BRAT1: variants seen among roughly 807,000 people sequenced by gnomAD.
BRAT1 encodes the protein integrator complex assembly factor BRAT1.
A neutral mutation model predicts 70.6 loss-of-function variants in BRAT1; 74 were observed. That is an observed-to-expected ratio of 1.05 (90% confidence interval 0.87 to 1.27). The LOEUF is 1.27. BRAT1 is among the 50% of genes most tolerant of loss of function. The pLI, the probability that BRAT1 is intolerant of heterozygous loss-of-function variation, is 0.00. For synonymous variants in BRAT1, 615 were observed against 517.1 expected (o/e 1.19, Z -2.57); for missense variants, 1,203 against 1,098.2 (o/e 1.10, Z -1.35).
At position 2,552,106 on chromosome 7, in the gene BRAT1, A is replaced by AT. The variant is rs1174942520; in HGVS notation, c.127+2198dup. ...AATATATATATATATATATATATAT[A>AT]TTTTTTTTTTTTTTTTTTTTTTTTT... On this transcript the variant is annotated intron_variant, in intron 2 of 13. Transcript: ENST00000340611. Among the ~76,000 whole-genome samples, 65 of 14,220 alleles carry AT rather than the reference A, an allele frequency of 4.6e-3. 4 individuals carry two copies. Among genetic ancestry groups the AT allele is most frequent in the Non-Finnish European group, 6.0e-3 (44 of 7,348 alleles). The allele number at this position is 14,220 out of a possible 152,430, so 9.3% of individuals were successfully genotyped here. A position where few individuals can be genotyped will look rare whatever the true frequency, so the allele number is the denominator to read the frequency against.
chr7:2,554,044 G>A (rs556466370), intron 2 of BRAT1, among the ~76,000 whole-genome samples: 1 of 152,166 alleles, frequency 6.6e-6, no homozygotes, highest in Non-Finnish European at 1.5e-5. Flanking sequence ...GCCTTCTGTA[G>A]AACTGAACCT....
chr7:2,552,267 A>T (rs552312012), intron 2 of BRAT1, among the ~76,000 whole-genome samples: 26 of 150,206 alleles, frequency 1.7e-4, no homozygotes, highest in African/African-American at 6.1e-4. Flanking sequence ...ACAGGCATGG[A>T]CCACCATGTC....
chr7:2,554,292 A>G lies in BRAT1; in HGVS notation c.127+13T>C. ...CTCTGGATAGGCAGTAAACAGCAGC[A>G]CCACCTCCTTACCTCCTTCAGTGAC... On this transcript the variant is annotated intron_variant, in intron 2 of 13. Coordinates refer to ENST00000340611, the MANE Select transcript of BRAT1 (RefSeq NM_152743.4). The G allele has an allele frequency of 6.2e-7, 1 of 1,612,782 alleles. No homozygotes were observed. The highest frequency in any genetic ancestry group is 8.5e-7 in the Non-Finnish European group (1 of 1,179,172).
intron 1 of BRAT1, among the ~76,000 whole-genome samples, chr7:2,554,965 CT>C (rs1039914480): frequency 2.7e-5 from 4 of 149,812 alleles, no homozygotes; most frequent in African/African-American, 9.9e-5. Context: ...GTCCGTGTGT[CT>C]GTCCCTCTCA....
chr7:2,539,520 G>C (rs533358915), intron 12 of BRAT1, 24 bp downstream of exon 12: 5 of 1,535,624 alleles, frequency 3.3e-6, no homozygotes, highest in Admixed American at 2.0e-5. Context: ...GGGGAAGGCA[G>C]CCCCTCCACC....
Position 2,543,052 on chromosome 7 carries a change from G to T in BRAT1, c.923+152C>A. On this transcript the variant is annotated intron_variant, in intron 6 of 13. Coordinates refer to ENST00000340611, the MANE Select transcript of BRAT1 (RefSeq NM_152743.4). This position sits in a 1 kb window ranked among gnomAD's most constrained non-coding sequence, Gnocchi z 5.5. ...AAAGAACCTTCAGAAGCTGCCGCGC[G>T]CAACCCACGCACCACCCAGTCACAC... is the stretch of plus-strand genomic sequence containing the variant. 1 of 928,794 alleles carries T rather than the reference G, an allele frequency of 1.1e-6. No individual in the cohort carries two copies. Among genetic ancestry groups the T allele is most frequent in the Non-Finnish European group, 1.6e-6 (1 of 638,556 alleles). The allele number at this position is 928,794 out of a possible 1,614,324, so 57.5% of individuals were successfully genotyped here.
chr7:2,540,571 C>A, intron 10 of BRAT1: 1 of 179,208 alleles, frequency 5.6e-6, no homozygotes, highest in Non-Finnish European at 1.2e-5. Flanking sequence ...CTGCTGTCTG[C>A]TCAGCGGCAG....
rs1410727803 is a variant in BRAT1, at chr7:2,543,749, G to A, written c.644C>T (p.Thr215Ile). ...CGTGGTCAGGACGTTCAGGGCCTGA[G>A]TGACCTTGGGGGTGGCCGCGGAGCA... ...SLCSAATPKV[T>I]QALNVLTTTF... Residue 215 changes from threonine (T) to isoleucine (I), a missense_variant, in exon 5 of 14, where the codon ACT becomes ATT. Thr to Ile is a moderately conservative substitution (Grantham distance 89, BLOSUM62 -1). Transcript: ENST00000340611. This position sits in a 1 kb window ranked among gnomAD's most constrained non-coding sequence, Gnocchi z 5.5. The A allele has an allele frequency of 6.2e-7, 1 of 1,603,548 alleles. No homozygotes were observed. Among genetic ancestry groups the A allele is most frequent in the Admixed American group, 1.7e-5 (1 of 59,616 alleles).
rs541075552 is a variant in BRAT1 at position 2,537,943 on chromosome 7, C to T, written c.*126G>A. The T allele has an allele frequency of 1.2e-3, 1,701 of 1,368,398 alleles. 22 individuals are homozygous for T. The highest frequency in any genetic ancestry group is 0.012 in the South Asian group (608 of 50,542). 84.8% of individuals were successfully genotyped at this position (1,368,398 alleles called of 1,614,324 possible). On this transcript the variant is annotated 3_prime_UTR_variant, in exon 14 of 14. Coordinates refer to ENST00000340611, the MANE Select transcript of BRAT1 (RefSeq NM_152743.4). ...TGGGATTTCTTGACCTTGCTTCTCT[C>T]CTGGTCCTGGCTTCCCCAGAGGATC...
rs144673038 is a variant in BRAT1 at position 2,544,066 on chromosome 7, A to G, written c.431-104T>C. 2,158 of 988,216 alleles carry G rather than the reference A, an allele frequency of 2.2e-3. 29 individuals are homozygous for G. The African/African-American group carries it at 0.029, about 13-fold the overall frequency. The allele number at this position is 988,216 out of a possible 1,614,324, so 61.2% of individuals were successfully genotyped here. A position where few individuals can be genotyped will look rare whatever the true frequency, so the allele number is the denominator to read the frequency against. On this transcript the variant is annotated intron_variant, in intron 4 of 13. Coordinates refer to ENST00000340611, the MANE Select transcript of BRAT1 (RefSeq NM_152743.4). ...GATACAAATAGCAGAGGGCCCCCCA[A>G]GATGCCCCCAAATGCCTCTCCACTC...
chr7:2,545,862 A>G (rs1180708302), intron 3 of BRAT1, among the ~76,000 whole-genome samples: 1 of 152,164 alleles, frequency 6.6e-6, no homozygotes, highest in African/African-American at 2.4e-5. Flanking sequence ...ACCCTAGGAC[A>G]CCTTGGAAAG....
At position 2,545,363 on chromosome 7, in the gene BRAT1, C is replaced by CAAAAAAAAAAA. The variant is rs1185029266; in HGVS notation, c.283-318_283-308dup. Among the ~76,000 whole-genome samples the CAAAAAAAAAAA allele has an allele frequency of 7.5e-3, 188 of 25,128 alleles. 19 individuals are homozygous for CAAAAAAAAAAA. The highest frequency in any genetic ancestry group is 0.016 in the Admixed American group (23 of 1,444). 16.5% of individuals were successfully genotyped at this position (25,128 alleles called of 152,430 possible). On this transcript the variant is annotated intron_variant, in intron 3 of 13. Coordinates refer to ENST00000340611, the MANE Select transcript of BRAT1 (RefSeq NM_152743.4). ...TGGGTGACACAGCGAGACTCCATCT[C>CAAAAAAAAAAA]AAAAAAAAAAAAAAAAAAAAAAAAA...
Position 2,538,158 on chromosome 7 carries a change from C to T in BRAT1, c.2377G>A (p.Asp793Asn), listed in dbSNP as rs759036645. The T allele has an allele frequency of 5.7e-5, 91 of 1,608,750 alleles. No homozygotes were observed. Among genetic ancestry groups the T allele is most frequent in the Non-Finnish European group, 7.1e-5 (83 of 1,177,098 alleles). The change falls in exon 14 of 14, where the codon GAC (aspartate) becomes AAC (asparagine). Residue 793 changes from aspartate to asparagine, a missense_variant. Transcript: ENST00000340611. ...GLRSTLAESS[D>N]HVEKSPQSLL... The stretch of plus-strand genomic sequence containing the variant: ...GACTGGGGACTCTTTTCCACGTGGT[C>T]GCTGCTCTCGGCCAGCGTGCTCCGC...
chr7:2,552,093 T>C (rs1255607319), intron 2 of BRAT1, among the ~76,000 whole-genome samples: 6 of 18,462 alleles, frequency 3.2e-4, no homozygotes, highest in African/African-American at 1.3e-3. Context: ...TATATATATA[T>C]ATATATATAT....
chr7:2,538,877 C>T, intron 13 of BRAT1, 113 bp from the exon 14 acceptor site: 4 of 1,508,022 alleles, frequency 2.7e-6, no homozygotes, highest in Non-Finnish European at 3.5e-6. Flanking sequence ...TCTAGGGCCA[C>T]AGCCCGCTCT....
Position 2,541,057 on chromosome 7 carries a change from G to A in BRAT1, c.1322-5C>T. ...GCGTCACCAGCTCCTGGGGGCCTGAGACAGAGGTGAGTGGATAAACCACCC... is the reference window on the plus strand; with the variant it reads ...GCGTCACCAGCTCCTGGGGGCCTGAAACAGAGGTGAGTGGATAAACCACCC... On this transcript the variant is annotated splice_polypyrimidine_tract_variant and splice_region_variant and intron_variant, in intron 9 of 13. Coordinates refer to ENST00000340611, the MANE Select transcript of BRAT1 (RefSeq NM_152743.4). The A allele has an allele frequency of 6.4e-7, 1 of 1,558,602 alleles. No individual in the cohort carries two copies. The highest frequency in any genetic ancestry group is 1.4e-5 in the African/African-American group (1 of 71,544).
chr7:2,554,154 G>C lies in BRAT1; in HGVS notation c.127+151C>G, dbSNP rs138928088. On this transcript the variant is annotated intron_variant, in intron 2 of 13. Transcript: ENST00000340611. ...CTTAACTTGCCCTCAGTCTGCCACA[G>C]ATAATCCTTAGGAAGTGAAGGAAAG... 3.7e-4 allele frequency: 417 copies of C among 1,119,168 alleles called. 1 individual carries two copies. In the African/African-American group the frequency reaches 5.9e-3, roughly 16 times the overall value. The allele number at this position is 1,119,168 out of a possible 1,614,324, so 69.3% of individuals were successfully genotyped here.
chr7:2,546,312 C>T (rs1350532601), intron 3 of BRAT1, among the ~76,000 whole-genome samples: 5 of 152,038 alleles, frequency 3.3e-5, no homozygotes, highest in African/African-American at 1.2e-4. Context: ...GTGGTTCATG[C>T]ACCTGTGGAC....
chr7:2,547,174 T>G, intron 3 of BRAT1, 150 bp downstream of exon 3: 1 of 1,029,498 alleles, frequency 9.7e-7, no homozygotes, highest in Non-Finnish European at 1.4e-6. Context: ...CAGTCGGGGG[T>G]AAAAAACATG....
Sources: gnomAD v4.1 joint callset for allele counts (sites outside exome capture counted in the v4.1 genomes callset) on GRCh38, gnomAD v4.1.1 for gene constraint, Gnocchi (gnomAD v3.1) non-coding constraint, MANE v1.5 for transcripts, NCBI Gene and HGNC (gene_info 2026-07-23, HGNC 2026-07-21) for gene names.